The following NXT2 variants were observed in gnomAD, a reference collection of about 807,000 sequenced individuals.
NXT2 encodes the protein nuclear transport factor 2 like export factor 2.
NXT2 carries 1 observed loss-of-function variant against 9.6 expected under a neutral mutation model. The ratio of observed to expected loss-of-function variants is 0.10; its 90% CI spans 0.04 to 0.49. The LOEUF (loss-of-function observed/expected upper bound fraction) is 0.49. Among genes scored for constraint, NXT2 ranks in the 20% least tolerant of loss-of-function variants. The probability of loss-of-function intolerance (pLI) is 0.95; values close to 1 mark genes in which losing one functional copy is unlikely to be tolerated. For missense variants in NXT2, 48 were observed against 100.3 expected, an observed-to-expected ratio of 0.48 and a Z score of 2.23; for synonymous variants, 22 against 35.4, an observed-to-expected ratio of 0.62 and a Z score of 1.34.
At chrX:109,537,121 A>G in intron 1 of NXT2, 100 bp downstream of exon 1, 1 of 1,117,012 alleles carries the variant, frequency 9.0e-7, no homozygotes, top group Non-Finnish European at 1.2e-6. Context: ...TGGATAGGTG[A>G]CGAATCACGT....
At chrX:109,539,288 G>A (rs1933360364) in intron 2 of NXT2, among the ~76,000 whole-genome samples, 1 of 112,044 alleles carries the variant, frequency 8.9e-6, no homozygotes. Flanking sequence ...GGGCATTTGG[G>A]TTGGTTCCAA....
intron 2 of NXT2, among the ~76,000 whole-genome samples, chrX:109,539,071 G>A (rs987972426): frequency 1.8e-4 from 20 of 110,697 alleles, no homozygotes; most frequent in African/African-American, 6.6e-4. Flanking sequence ...CCTTCCCTGT[G>A]TCCATGTGTT....
At chrX:109,537,275 G>C (rs1489407759) in intron 1 of NXT2, 1 of 981,112 alleles carries the variant, frequency 1.0e-6, no homozygotes, top group East Asian at 4.2e-5. Flanking sequence ...GTTGGGGTTT[G>C]TTGTTTATGG....
chrX:109,537,199 C>G, intron 1 of NXT2, 178 bp downstream of exon 1: 3 of 1,042,847 alleles, frequency 2.9e-6, no homozygotes, highest in Non-Finnish European at 3.7e-6. Context: ...CACCCCCAGC[C>G]TGGTTAGCAG....
At chrX:109,535,932 AAAG>A (rs769216040), upstream of NXT2, 65 of 1,205,995 alleles carry the variant, frequency 5.4e-5, no homozygotes, top group East Asian at 5.0e-4. Flanking sequence ...GAAGGATACC[AAAG>A]AAGAAGTAAC....
chrX:109,543,646 A>G lies in NXT2; in HGVS notation c.*958A>G, dbSNP rs1251935069. 1.8e-5 allele frequency: 2 copies of G among 112,139 alleles called. No homozygotes were observed. The highest frequency in any genetic ancestry group is 3.2e-5 in the African/African-American group (1 of 30,870). The allele number at this position is 112,139 out of a possible 1,213,427, so 9.2% of individuals were successfully genotyped here. ...TTTTTAGATCTTTTTACTTCACCTC[A>G]TACTTATCACCAATGTATATCTCCA... On this transcript the variant is annotated 3_prime_UTR_variant, in exon 4 of 4. Coordinates refer to ENST00000372106, the MANE Select transcript of NXT2 (RefSeq NM_001242617.2).
At position 109,541,475 on chromosome X, in the gene NXT2, G is replaced by T. The variant is rs372211276; in HGVS notation, c.103G>T (p.Ala35Ser). 1.1e-4 allele frequency: 127 copies of T among 1,176,213 alleles called. 1 individual carries two copies. The highest frequency in any genetic ancestry group is 1.4e-4 in the Non-Finnish European group (121 of 873,411). ...YYETMDKRRR[A>S]LTRLYLDKAT... ...TTTTTAAATTTGTCTTTCTTTTTAG[G>T]CACTAACCAGGCTGTATCTGGACAA... The change falls in exon 3 of 4, where the codon GCA (alanine) becomes TCA (serine). Residue 35 changes from alanine (A) to serine (S), a missense_variant and splice_region_variant. Ala to Ser is a moderately conservative substitution (Grantham distance 99). Transcript: ENST00000372106.
At position 109,543,785 on chromosome X, in the gene NXT2, T is replaced by C. The variant is rs3204027; in HGVS notation, c.*1097T>C. 28,974 of 110,932 alleles carry C rather than the reference T, an allele frequency of 0.26. 3,488 individuals are homozygous for C. Among genetic ancestry groups the C allele is most frequent in the Non-Finnish European group, 0.37 (19,599 of 52,607 alleles). The allele number at this position is 110,932 out of a possible 1,213,427, so 9.1% of individuals were successfully genotyped here. The stretch of plus-strand genomic sequence containing the variant: ...GTTATCTTTTGGTGACACCCTTAAA[T>C]TTTAAGTCTTCCAGTCTTCCATGTG... On this transcript the variant is annotated 3_prime_UTR_variant, in exon 4 of 4. Transcript: ENST00000372106.
rs1196298749 is a variant in NXT2, at chrX:109,542,730, A to T, written c.*42A>T. 6 of 953,730 alleles carry T rather than the reference A, an allele frequency of 6.3e-6. No individual in the cohort carries two copies. The East Asian group carries it at 2.1e-4, about 33-fold the overall frequency. 78.6% of individuals were successfully genotyped at this position (953,730 alleles called of 1,213,427 possible). A position where few individuals can be genotyped will look rare whatever the true frequency, so the allele number is the denominator to read the frequency against. ...TCTCATTTGGTCCATTAGTTCCAGC[A>T]ATTGAAATTTATGTGAATTATTTTG... On this transcript the variant is annotated 3_prime_UTR_variant, in exon 4 of 4. Coordinates refer to ENST00000372106, the MANE Select transcript of NXT2 (RefSeq NM_001242617.2).
At chrX:109,537,452 G>T in intron 1 of NXT2, 1 of 655,209 alleles carries the variant, frequency 1.5e-6, no homozygotes, top group Non-Finnish European at 1.8e-6. Context: ...CAACAGCGTT[G>T]CTTTCTTCGG....
upstream of NXT2, chrX:109,535,904 T>G: frequency 1.7e-6 from 2 of 1,197,957 alleles, no homozygotes; most frequent in Non-Finnish European, 2.3e-6. Context: ...CAGAAGCCAC[T>G]GGTCTCAGGG....
intron 3 of NXT2, among the ~76,000 whole-genome samples, chrX:109,542,225 T>G (rs1401341471): frequency 8.1e-5 from 9 of 111,147 alleles, no homozygotes; most frequent in Non-Finnish European, 1.7e-4. Flanking sequence ...CTGAAATATT[T>G]ATATATATAT....
At chrX:109,537,512 A>G (rs1933309145) in intron 1 of NXT2, 2 of 352,791 alleles carry the variant, frequency 5.7e-6, no homozygotes, top group Admixed American at 9.2e-5. Flanking sequence ...AATGTGGGAA[A>G]GTTTCCTAAG....
Position 109,541,489 on chromosome X carries a change from G to A in NXT2, c.117G>A (p.Leu39=), listed in dbSNP as rs749975378. 3 of 1,199,470 alleles carry A rather than the reference G, an allele frequency of 2.5e-6. No individual in the cohort carries two copies. The highest frequency in any genetic ancestry group is 3.6e-5 in the South Asian group (2 of 55,116). ...TTTCTTTTTAGGCACTAACCAGGCTGTATCTGGACAAGGCCACCTTAATAT... is the reference window on the plus strand; with the variant it reads ...TTTCTTTTTAGGCACTAACCAGGCTATATCTGGACAAGGCCACCTTAATAT... ...MDKRRRALTR[L]YLDKATLIWN... The change falls in exon 3 of 4, where the codon CTG becomes CTA. Residue 39 remains leucine, a synonymous_variant. Coordinates refer to ENST00000372106, the MANE Select transcript of NXT2 (RefSeq NM_001242617.2).
chrX:109,541,205 A>C (rs1933411517), intron 2 of NXT2, among the ~76,000 whole-genome samples: 1 of 111,550 alleles, frequency 9.0e-6, no homozygotes, highest in African/African-American at 3.3e-5. Context: ...ATTGGGTGGA[A>C]GGTTTTATTG....
rs73532250 is a variant in NXT2 at position 109,538,858 on chromosome X, A to G, written c.102+727A>G. Among the ~76,000 whole-genome samples, 919 of 111,263 alleles carry G rather than the reference A, an allele frequency of 8.3e-3. 10 individuals are homozygous for G. Among genetic ancestry groups the G allele is most frequent in the African/African-American group, 0.027 (839 of 30,575 alleles). On this transcript the variant is annotated intron_variant, in intron 2 of 3. Transcript: ENST00000372106. ...AAAACCTATTTTTTATATAAAACCC[A>G]TTTATTAAGCATAGGATTTTATATA...
At chrX:109,537,230 G>A in intron 1 of NXT2, 1 of 1,023,376 alleles carries the variant, frequency 9.8e-7, no homozygotes, top group African/African-American at 1.9e-5. Context: ...ATCCCGGAAA[G>A]GACCCTGAGC....
intron 2 of NXT2, among the ~76,000 whole-genome samples, chrX:109,539,575 G>A (rs747074396): frequency 8.3e-5 from 9 of 108,727 alleles, no homozygotes; most frequent in South Asian, 8.3e-4. Flanking sequence ...TCTGACTGGC[G>A]TGAGATGGTA....
intron 2 of NXT2, among the ~76,000 whole-genome samples, chrX:109,538,573 TATAG>T (rs1351094786): frequency 3.6e-5 from 4 of 111,495 alleles, no homozygotes; most frequent in Admixed American, 2.9e-4. Context: ...TTCATATATT[TATAG>T]ATAATTTCTG....
Sources: allele counts gnomAD v4.1 joint callset (sites outside exome capture counted in the v4.1 genomes callset), GRCh38; gene constraint gnomAD v4.1.1; transcripts MANE v1.5; gene names NCBI Gene and HGNC (gene_info 2026-07-23, HGNC 2026-07-21).